Variants in LGR6 observed in about 807,000 individuals in gnomAD.
LGR6 encodes leucine rich repeat containing G protein-coupled receptor 6.
A neutral mutation model predicts 69.4 loss-of-function variants in LGR6; 45 were observed. The observed-to-expected ratio is 0.65, with a 90% CI of 0.51 to 0.83. LGR6 has a LOEUF of 0.83. Among genes scored for constraint, LGR6 ranks in the 40% least tolerant of loss-of-function variants. LGR6 has a pLI of 0.00. For synonymous variants in LGR6, 538 were observed against 555.0 expected, an observed-to-expected ratio of 0.97 and a Z score of 0.43; for missense variants, 1,108 against 1,246.7, an observed-to-expected ratio of 0.89 and a Z score of 1.68.
rs1326942576 is a variant in LGR6, at chr1:202,301,196, G to A, written c.890G>A (p.Gly297Glu). The A allele has an allele frequency of 6.2e-7, 1 of 1,614,074 alleles. No individual in the cohort carries two copies. Among genetic ancestry groups the A allele is most frequent in the Admixed American group, 1.7e-5 (1 of 60,012 alleles). ...TATGATAACCCAATCCAGTTTGTGG[G>A]AAGATCGGCATTCCAGTACCTGCCT... Reference protein sequence around the residue: ...HFYDNPIQFVGRSAFQYLPKL... With the variant: ...HFYDNPIQFVERSAFQYLPKL... The change falls in exon 9 of 18, where the codon GGA becomes GAA. Residue 297 changes from glycine to glutamate, a missense_variant. By Grantham distance (98) the Gly-to-Glu change is moderately conservative. Coordinates refer to ENST00000367278, the MANE Select transcript of LGR6 (RefSeq NM_001017403.2).
Position 202,268,889 on chromosome 1 carries a change from A to G in LGR6, c.429-7417A>G, listed in dbSNP as rs746398022. Among the ~76,000 whole-genome samples the G allele has an allele frequency of 6.6e-6, 1 of 152,034 alleles. No individual in the cohort carries two copies. The highest frequency in any genetic ancestry group is 1.9e-4 in the East Asian group (1 of 5,172). ...GGGCCTGTACCTGGTTTAGTGTTCT[A>G]TTGCCATCTTGAAGTTTTTTGTTTG... On this transcript the variant is annotated intron_variant, in intron 4 of 17. Coordinates refer to ENST00000367278, the MANE Select transcript of LGR6 (RefSeq NM_001017403.2). This position sits in a 1 kb window ranked among gnomAD's most constrained non-coding sequence, Gnocchi z 4.4.
chr1:202,288,102 G>A (rs1274324885), intron 6 of LGR6, among the ~76,000 whole-genome samples: 1 of 152,090 alleles, frequency 6.6e-6, no homozygotes, highest in Admixed American at 6.5e-5. Flanking sequence ...TCTAGTCCAG[G>A]CACGATGGCC....
intron 6 of LGR6, among the ~76,000 whole-genome samples, chr1:202,284,574 AAG>A (rs2148196463): frequency 6.6e-6 from 1 of 152,286 alleles, no homozygotes. Context: ...GCTGAGAGAT[AAG>A]AGAGCATGGT....
intron 9 of LGR6, among the ~76,000 whole-genome samples, 167 bp downstream of exon 9, chr1:202,301,402 A>T (rs991909319): frequency 3.3e-5 from 5 of 151,848 alleles, no homozygotes; most frequent in Non-Finnish European, 7.4e-5. Context: ...ACCCGTTCCC[A>T]CCTCTTTCTA....
At chr1:202,212,581 C>T (rs1659504202) in intron 1 of LGR6, among the ~76,000 whole-genome samples, 1 of 152,328 alleles carries the variant, frequency 6.6e-6, no homozygotes, top group East Asian at 1.9e-4. Context: ...GTTACCACAT[C>T]ACTCCAATCT....
chr1:202,206,209 C>T (rs1407486846), intron 1 of LGR6, among the ~76,000 whole-genome samples: 1 of 152,228 alleles, frequency 6.6e-6, no homozygotes, highest in African/African-American at 2.4e-5. Flanking sequence ...TTGTGGTGGA[C>T]AGAGCAGATT....
chr1:202,272,132 T>C (rs1201507658), intron 4 of LGR6, among the ~76,000 whole-genome samples: 5 of 152,248 alleles, frequency 3.3e-5, no homozygotes, highest in African/African-American at 9.6e-5. Flanking sequence ...TTCAAACTTA[T>C]ACTTGCTTAT....
At position 202,218,870 on chromosome 1, in the gene LGR6, T is replaced by C. The variant is rs535541064; in HGVS notation, c.213-6553T>C. 2.6e-5 allele frequency among the ~76,000 whole-genome samples: 4 copies of C among 152,250 alleles called. No homozygotes were observed. In the East Asian group the frequency reaches 5.8e-4, roughly 22 times the overall value. The stretch of plus-strand genomic sequence containing the variant: ...TTTGTAAACTACAAAGCGGAGTACA[T>C]ATATGGAGGTTTGCCGTCCCTTTGT... On this transcript the variant is annotated intron_variant, in intron 1 of 17. Transcript: ENST00000367278.
chr1:202,237,899 T>C (rs1254248270), intron 4 of LGR6, among the ~76,000 whole-genome samples: 1 of 151,838 alleles, frequency 6.6e-6, no homozygotes, highest in Non-Finnish European at 1.5e-5. Context: ...TCAGTTTCTC[T>C]ATCTTCAAGG....
intron 12 of LGR6, among the ~76,000 whole-genome samples, chr1:202,306,211 CAT>C (rs983823789): frequency 3.0e-4 from 46 of 152,150 alleles, no homozygotes; most frequent in Middle Eastern, 3.2e-3. Context: ...CATACATAAT[CAT>C]ATGTGGAAGA....
At chr1:202,203,605 C>T in intron 1 of LGR6, 1 of 565,994 alleles carries the variant, frequency 1.8e-6, no homozygotes, top group Non-Finnish European at 3.2e-6. Flanking sequence ...GAATGCTTGC[C>T]CTCTTTCCTC....
At chr1:202,312,707 G>T (rs1437443313) in intron 16 of LGR6, among the ~76,000 whole-genome samples, 13 of 152,084 alleles carry the variant, frequency 8.5e-5, no homozygotes, top group Non-Finnish European at 1.5e-4. Flanking sequence ...TCCCCAACTT[G>T]GGTCTTCAGA....
intron 6 of LGR6, among the ~76,000 whole-genome samples, chr1:202,288,356 T>C (rs1666549986): frequency 1.3e-5 from 2 of 152,238 alleles, no homozygotes; most frequent in African/African-American, 2.4e-5. Flanking sequence ...ATTTACTCAC[T>C]TAATTGCCTG....
At chr1:202,302,961 G>T (rs1412470925) in intron 9 of LGR6, among the ~76,000 whole-genome samples, 3 of 152,160 alleles carry the variant, frequency 2.0e-5, no homozygotes, top group African/African-American at 7.2e-5. Flanking sequence ...CACCCAAGCT[G>T]TTGTCTATTA....
chr1:202,196,035 C>T (rs1658627492), intron 1 of LGR6, among the ~76,000 whole-genome samples: 1 of 152,080 alleles, frequency 6.6e-6, no homozygotes, highest in African/African-American at 2.4e-5. Context: ...TCTGTGTCTT[C>T]CTGGGGATTG....
chr1:202,297,626 G>C, intron 7 of LGR6, 50 bp downstream of exon 7: 1 of 1,503,826 alleles, frequency 6.6e-7, no homozygotes, highest in Non-Finnish European at 9.2e-7. Flanking sequence ...CCAAGGGCAG[G>C]GGCTGAAGCC....
chr1:202,251,732 T>C (rs559558722), intron 4 of LGR6, among the ~76,000 whole-genome samples: 31 of 152,232 alleles, frequency 2.0e-4, no homozygotes, highest in Admixed American at 2.0e-3. Flanking sequence ...TGGCCCCCAC[T>C]AGCCTGCCTC....
chr1:202,258,468 C>A (rs965241379), intron 4 of LGR6, among the ~76,000 whole-genome samples: 11 of 151,714 alleles, frequency 7.3e-5, no homozygotes, highest in African/African-American at 2.7e-4. Context: ...TTCAAAACAT[C>A]TTTTATGTAT....
chr1:202,286,890 G>C (rs192011656), intron 6 of LGR6, among the ~76,000 whole-genome samples: 12 of 152,136 alleles, frequency 7.9e-5, no homozygotes, highest in Non-Finnish European at 1.2e-4. Context: ...GCCCTGGTGT[G>C]GGGGGTAGCC....
Sources: allele counts gnomAD v4.1 joint callset (sites outside exome capture counted in the v4.1 genomes callset), GRCh38; gene constraint gnomAD v4.1.1; non-coding constraint Gnocchi (gnomAD v3.1); transcripts MANE v1.5; gene names NCBI Gene and HGNC (gene_info 2026-07-23, HGNC 2026-07-21).